Variants in SPAG16 observed in about 807,000 individuals in gnomAD.
SPAG16 encodes sperm-associated antigen 16 protein.
SPAG16 carries 86 observed loss-of-function variants against 80.4 expected under a neutral mutation model. The ratio of observed to expected loss-of-function variants is 1.07; its 90% CI spans 0.90 to 1.28. SPAG16 has a LOEUF of 1.28. Ranked by LOEUF, SPAG16 falls within the 50% of genes most tolerant of loss-of-function variation. SPAG16 has a pLI of 0.00. For synonymous variants in SPAG16, 294 were observed against 265.9 expected (o/e 1.11, Z -1.03); for missense variants, 870 against 765.3 (o/e 1.14, Z -1.61).
Position 213,812,745 on chromosome 2 carries a change from G to A in SPAG16, c.1071-49740G>A, listed in dbSNP as rs1027195802. On this transcript the variant is annotated intron_variant, in intron 10 of 15. Coordinates refer to ENST00000331683, the MANE Select transcript of SPAG16 (RefSeq NM_024532.5). ...TATTCATTCATACAACAAATATTTA[G>A]CATTTTTTGTTTTATTACATGTAAC... is the stretch of plus-strand genomic sequence containing the variant. 2.0e-5 allele frequency among the ~76,000 whole-genome samples: 3 copies of A among 151,958 alleles called. 1 individual carries two copies. The highest frequency in any genetic ancestry group is 4.4e-5 in the Non-Finnish European group (3 of 67,986).
intron 13 of SPAG16, among the ~76,000 whole-genome samples, chr2:214,076,625 C>T (rs543744349): frequency 6.6e-6 from 1 of 151,530 alleles, no homozygotes; most frequent in Non-Finnish European, 1.5e-5. Flanking sequence ...TTCTGGCAAA[C>T]AGATGTTTGA....
intron 3 of SPAG16, among the ~76,000 whole-genome samples, chr2:213,309,271 C>T (rs114883076): frequency 6.6e-6 from 1 of 151,982 alleles, no homozygotes; most frequent in Non-Finnish European, 1.5e-5. Flanking sequence ...AATATGTAAA[C>T]AAATGGGCAT....
chr2:213,902,748 ACCCAAAAG>A (rs2077270351), intron 11 of SPAG16, among the ~76,000 whole-genome samples: 1 of 152,146 alleles, frequency 6.6e-6, no homozygotes, highest in Non-Finnish European at 1.5e-5. Context: ...CTCAGCATTA[ACCCAAAAG>A]TCCACAGTCC....
intron 10 of SPAG16, among the ~76,000 whole-genome samples, chr2:213,581,377 T>C (rs981954065): frequency 6.6e-6 from 1 of 152,008 alleles, no homozygotes; most frequent in African/African-American, 2.4e-5. Context: ...CCACCATAGT[T>C]AGCTAATTTT....
chr2:213,298,847 A>G (rs2062610240), intron 3 of SPAG16, among the ~76,000 whole-genome samples: 1 of 152,142 alleles, frequency 6.6e-6, no homozygotes, highest in Non-Finnish European at 1.5e-5. Context: ...TTTTTACCTC[A>G]TTTTAAAAAA....
chr2:213,947,208 G>A (rs1363882411), intron 12 of SPAG16, among the ~76,000 whole-genome samples: 1 of 152,054 alleles, frequency 6.6e-6, no homozygotes, highest in Non-Finnish European at 1.5e-5. Context: ...TAGGATATGT[G>A]TCCATGAATG....
intron 10 of SPAG16, among the ~76,000 whole-genome samples, chr2:213,512,409 T>A (rs1347015918): frequency 6.6e-6 from 1 of 152,202 alleles, no homozygotes; most frequent in Non-Finnish European, 1.5e-5. Flanking sequence ...TCAGGCCATG[T>A]AAGGGAAGTG....
At chr2:213,544,932 C>T (rs1422207433) in intron 10 of SPAG16, among the ~76,000 whole-genome samples, 1 of 152,118 alleles carries the variant, frequency 6.6e-6, no homozygotes, top group Non-Finnish European at 1.5e-5. Flanking sequence ...TCAAGGACAG[C>T]TTGGTTGCTT....
At chr2:214,315,501 TTTTA>T (rs145465479) in intron 15 of SPAG16, among the ~76,000 whole-genome samples, 26,729 of 144,014 alleles carry the variant, frequency 0.19, 2,644 homozygotes, top group Middle Eastern at 0.25. Context: ...GCCCCATCTT[TTTTA>T]TTTATTTATT....
intron 10 of SPAG16, among the ~76,000 whole-genome samples, chr2:213,745,041 C>G (rs1575013816): frequency 6.6e-6 from 1 of 152,120 alleles, no homozygotes; most frequent in African/African-American, 2.4e-5. Flanking sequence ...ATAAATTCAC[C>G]TACACAACTT....
chr2:213,971,394 C>T (rs566539949), intron 12 of SPAG16, among the ~76,000 whole-genome samples: 280 of 152,104 alleles, frequency 1.8e-3, no homozygotes, highest in African/African-American at 6.5e-3. Context: ...CTGAACTATA[C>T]AAGTTTTTCC....
At chr2:213,772,913 A>G (rs561095859) in intron 10 of SPAG16, among the ~76,000 whole-genome samples, 2 of 152,094 alleles carry the variant, frequency 1.3e-5, no homozygotes, top group South Asian at 2.1e-4. Flanking sequence ...TAATGGTTTT[A>G]TATATCTTTC....
intron 10 of SPAG16, among the ~76,000 whole-genome samples, chr2:213,506,115 C>T (rs1193201175): frequency 2.0e-5 from 3 of 151,856 alleles, no homozygotes; most frequent in East Asian, 1.9e-4. Context: ...AATTAAACTA[C>T]GTCTATCTAA....
At chr2:214,312,383 T>C (rs897014017) in intron 15 of SPAG16, among the ~76,000 whole-genome samples, 2 of 152,228 alleles carry the variant, frequency 1.3e-5, no homozygotes, top group African/African-American at 4.8e-5. Flanking sequence ...TAACTCATTA[T>C]ATCCTTTTTA....
intron 15 of SPAG16, among the ~76,000 whole-genome samples, chr2:214,222,471 C>G (rs754615048): frequency 1.3e-5 from 2 of 152,122 alleles, no homozygotes; most frequent in Non-Finnish European, 2.9e-5. Context: ...AGAAATGAAC[C>G]AGCCACCTAC....
intron 8 of SPAG16, chr2:213,365,188 C>A (rs181562823): frequency 6.6e-6 from 1 of 152,262 alleles, no homozygotes; most frequent in African/African-American, 2.4e-5. Flanking sequence ...TTGCCTAGTA[C>A]ATAATTAAAC....
Position 213,544,683 on chromosome 2 carries a change from TC to T in SPAG16, c.1070+54599del, listed in dbSNP as rs367791321. On this transcript the variant is annotated intron_variant, in intron 10 of 15. Coordinates refer to ENST00000331683, the MANE Select transcript of SPAG16 (RefSeq NM_024532.5). Reference sequence around the variant, plus strand: ...TCTGTGCTCTACCTATTCATATCGCTCCCCCCTCGTACCCCTGGCAAACACT... The same window carrying T: ...TCTGTGCTCTACCTATTCATATCGCTCCCCCTCGTACCCCTGGCAAACACT... Among the ~76,000 whole-genome samples, 131 of 152,004 alleles carry T rather than the reference TC, an allele frequency of 8.6e-4. 3 individuals carry two copies. In the South Asian group the frequency reaches 0.027, roughly 31 times the overall value.
At chr2:214,386,667 G>C (rs1004628410) in intron 15 of SPAG16, among the ~76,000 whole-genome samples, 1 of 151,966 alleles carries the variant, frequency 6.6e-6, no homozygotes, top group Non-Finnish European at 1.5e-5. Context: ...TTAAAGACCA[G>C]CCTGGGCAAC....
At position 213,785,915 on chromosome 2, in the gene SPAG16, G is replaced by A. The variant is rs528907453; in HGVS notation, c.1071-76570G>A. ...CCAGCTACTTGGGAGGCTGAGGTAG[G>A]GGAATCACTTGAACCCGGGAGGCGG... On this transcript the variant is annotated intron_variant, in intron 10 of 15. Transcript: ENST00000331683. 4.3e-4 allele frequency among the ~76,000 whole-genome samples: 66 copies of A among 152,000 alleles called. 1 individual carries two copies. The South Asian group carries it at 9.3e-3, about 21-fold the overall frequency.
Sources: allele counts gnomAD v4.1 joint callset (sites outside exome capture counted in the v4.1 genomes callset), GRCh38; gene constraint gnomAD v4.1.1; transcripts MANE v1.5; gene names NCBI Gene and HGNC (gene_info 2026-07-23, HGNC 2026-07-21).